CHCHD3: variants seen among roughly 807,000 people sequenced by gnomAD.
CHCHD3 encodes the protein MICOS complex subunit MIC19.
Under a neutral mutation model 38.2 loss-of-function variants are expected in CHCHD3, and 20 were observed. The ratio of observed to expected loss-of-function variants is 0.52; its 90% confidence interval spans 0.37 to 0.76. The LOEUF (loss-of-function observed/expected upper bound fraction) is 0.76, where lower values mean the gene tolerates loss of function less well. CHCHD3 is among the 30% of genes least tolerant of loss of function. The pLI, the probability that CHCHD3 is intolerant of heterozygous loss-of-function variation, is 0.00. For missense variants in CHCHD3, 245 were observed against 279.2 expected (o/e 0.88, Z 0.87); for synonymous variants, 82 against 100.0 (o/e 0.82, Z 1.07).
intron 7 of CHCHD3, among the ~76,000 whole-genome samples, chr7:132,796,056 C>A (rs1352086939): frequency 6.6e-6 from 1 of 152,014 alleles, no homozygotes; most frequent in Non-Finnish European, 1.5e-5. Context: ...CCTCTGCCTA[C>A]CTACGGCTTA....
intron 2 of CHCHD3, among the ~76,000 whole-genome samples, chr7:133,025,741 T>A (rs527766821): frequency 6.6e-6 from 1 of 152,188 alleles, no homozygotes; most frequent in Non-Finnish European, 1.5e-5. Context: ...CCTGACCTCA[T>A]GATCCGCCCA....
chr7:132,942,385 A>G (rs1810790685), intron 4 of CHCHD3, among the ~76,000 whole-genome samples: 1 of 152,128 alleles, frequency 6.6e-6, no homozygotes, highest in Non-Finnish European at 1.5e-5. Flanking sequence ...GGAGTTCTTA[A>G]TGTTGTCATA....
At chr7:133,075,646 C>A (rs970088822) in intron 1 of CHCHD3, among the ~76,000 whole-genome samples, 1 of 152,186 alleles carries the variant, frequency 6.6e-6, no homozygotes, top group Non-Finnish European at 1.5e-5. Flanking sequence ...TTTAGAGATG[C>A]TGGCCAGGAT....
At chr7:132,953,997 G>A (rs1308825871) in intron 4 of CHCHD3, among the ~76,000 whole-genome samples, 1 of 152,164 alleles carries the variant, frequency 6.6e-6, no homozygotes. Context: ...TCTGTGTTAG[G>A]AAATCAGGAA....
intron 4 of CHCHD3, among the ~76,000 whole-genome samples, chr7:132,960,131 C>A (rs1481392771): frequency 6.6e-6 from 1 of 152,104 alleles, no homozygotes; most frequent in East Asian, 1.9e-4. Flanking sequence ...ATATTTTAAT[C>A]CACCGCATGC....
intron 6 of CHCHD3, among the ~76,000 whole-genome samples, chr7:132,816,318 G>A (rs920476614): frequency 6.6e-6 from 1 of 152,136 alleles, no homozygotes; most frequent in African/African-American, 2.4e-5. Flanking sequence ...GAGTAAAAGA[G>A]TTGGCCTCTA....
chr7:132,918,806 A>T (rs568215663), intron 4 of CHCHD3, among the ~76,000 whole-genome samples: 1 of 152,334 alleles, frequency 6.6e-6, no homozygotes, highest in South Asian at 2.1e-4. Flanking sequence ...GCTACAGCTG[A>T]CATGGCACTT....
At chr7:132,850,742 C>T (rs1173283723) in intron 5 of CHCHD3, among the ~76,000 whole-genome samples, 1 of 152,116 alleles carries the variant, frequency 6.6e-6, no homozygotes, top group Non-Finnish European at 1.5e-5. Flanking sequence ...TTTTATGAAA[C>T]TTAACGTTAT....
At chr7:132,985,944 G>A (rs1468760091) in intron 3 of CHCHD3, among the ~76,000 whole-genome samples, 1 of 151,920 alleles carries the variant, frequency 6.6e-6, no homozygotes, top group Admixed American at 6.6e-5. Flanking sequence ...TGACCATGGC[G>A]GTTTTGTGGA....
intron 5 of CHCHD3, among the ~76,000 whole-genome samples, chr7:132,875,857 T>G (rs1808883983): frequency 6.6e-6 from 1 of 152,232 alleles, no homozygotes; most frequent in Admixed American, 6.5e-5. Flanking sequence ...ATGCCAACCT[T>G]ACTGTGCAAA....
chr7:133,057,390 T>C (rs1192154825), intron 2 of CHCHD3, among the ~76,000 whole-genome samples: 2 of 151,986 alleles, frequency 1.3e-5, no homozygotes, highest in Admixed American at 6.6e-5. Context: ...AGCAAGATCC[T>C]GTCTCTACAA....
intron 4 of CHCHD3, chr7:132,973,180 G>A (rs186110511): frequency 6.1e-6 from 6 of 985,258 alleles, no homozygotes; most frequent in Non-Finnish European, 7.2e-6. Context: ...GGTGGAGAAA[G>A]AGTGCTTCAA....
intron 2 of CHCHD3, chr7:133,034,684 CCA>C: frequency 1.9e-6 from 3 of 1,613,158 alleles, no homozygotes; most frequent in Non-Finnish European, 2.5e-6. Flanking sequence ...TACTCTCGAA[CCA>C]GCGTCTGGGT....
At chr7:132,837,290 A>G (rs1407333648) in intron 6 of CHCHD3, among the ~76,000 whole-genome samples, 1 of 152,246 alleles carries the variant, frequency 6.6e-6, no homozygotes, top group African/African-American at 2.4e-5. Flanking sequence ...GGAGAAAAAT[A>G]AACACCTAAC....
At chr7:132,797,423 T>C (rs1046673638) in intron 6 of CHCHD3, among the ~76,000 whole-genome samples, 3 of 152,202 alleles carry the variant, frequency 2.0e-5, no homozygotes, top group Admixed American at 1.3e-4. Context: ...TCATTCCCTT[T>C]ATGGTGACCC....
intron 6 of CHCHD3, among the ~76,000 whole-genome samples, chr7:132,824,674 A>G (rs1459335972): frequency 3.9e-5 from 6 of 152,158 alleles, no homozygotes; most frequent in Non-Finnish European, 5.9e-5. Context: ...CTTTTAAAAT[A>G]CGGCATTTCA....
At chr7:132,896,498 C>G (rs1809502921) in intron 4 of CHCHD3, among the ~76,000 whole-genome samples, 1 of 152,182 alleles carries the variant, frequency 6.6e-6, no homozygotes, top group Admixed American at 6.5e-5. Flanking sequence ...AAACATATCA[C>G]TGCATCAGTT....
At position 132,905,343 on chromosome 7, in the gene CHCHD3, C is replaced by A. The variant is rs534891937; in HGVS notation, c.370-19598G>T. On this transcript the variant is annotated intron_variant, in intron 4 of 7. Coordinates refer to ENST00000262570, the MANE Select transcript of CHCHD3 (RefSeq NM_017812.4). ...TGTCGTTAACCTCAGCAAACTAACACAGAAACAGAAACTGAAATACCCCAT... is the reference window on the plus strand; with the variant it reads ...TGTCGTTAACCTCAGCAAACTAACAAAGAAACAGAAACTGAAATACCCCAT... Among the ~76,000 whole-genome samples the A allele has an allele frequency of 3.3e-5, 5 of 152,114 alleles. 1 individual carries two copies. The highest frequency in any genetic ancestry group is 3.3e-4 in the Admixed American group (5 of 15,282).
intron 5 of CHCHD3, among the ~76,000 whole-genome samples, chr7:132,840,211 T>A (rs1383622179): frequency 6.6e-6 from 1 of 152,234 alleles, no homozygotes; most frequent in Non-Finnish European, 1.5e-5. Flanking sequence ...TACACACCAG[T>A]CACAACAGGC....
Sources: gnomAD v4.1 joint callset for allele counts (sites outside exome capture counted in the v4.1 genomes callset) on GRCh38, gnomAD v4.1.1 for gene constraint, MANE v1.5 for transcripts, NCBI Gene and HGNC (gene_info 2026-07-23, HGNC 2026-07-21) for gene names.